The following AGMO variants were observed in gnomAD, a reference collection of about 807,000 sequenced individuals.
AGMO encodes the protein alkylglycerol monooxygenase.
Under a neutral mutation model 60.2 loss-of-function variants are expected in AGMO, and 75 were observed. The observed-to-expected ratio is 1.25, with a 90% CI of 1.03 to 1.51. The LOEUF is 1.51. Ranked by LOEUF, AGMO falls within the 40% of genes most tolerant of loss-of-function variation. AGMO has a pLI of 0.00. For synonymous variants in AGMO, 261 were observed against 177.1 expected, an observed-to-expected ratio of 1.47 and a Z score of -3.76; for missense variants, 763 against 525.5, an observed-to-expected ratio of 1.45 and a Z score of -4.42.
At position 15,328,049 on chromosome 7, in the gene AGMO, T is replaced by C. The variant is rs571817024; in HGVS notation, c.1263+37465A>G. On this transcript the variant is annotated intron_variant, in intron 12 of 12. Transcript: ENST00000342526. Reference sequence around the variant, plus strand: ...CATCAGCCTCCCAAAGTGCTGGGATTGCAGGTATGAGACACTGTGCCTGGT... The same window carrying C: ...CATCAGCCTCCCAAAGTGCTGGGATCGCAGGTATGAGACACTGTGCCTGGT... Among the ~76,000 whole-genome samples, 10 of 152,216 alleles carry C rather than the reference T, an allele frequency of 6.6e-5. No homozygotes were observed. In the South Asian group the frequency reaches 2.1e-3, roughly 32 times the overall value.
At chr7:15,402,989 A>G (rs528078374) in intron 5 of AGMO, among the ~76,000 whole-genome samples, 5 of 151,994 alleles carry the variant, frequency 3.3e-5, no homozygotes, top group African/African-American at 9.6e-5. Context: ...GGACCCTTCA[A>G]TGGAAAGTTT....
rs192477199 is a variant in AGMO at position 15,240,472 on chromosome 7, A to G, written c.1264-39113T>C. Among the ~76,000 whole-genome samples the G allele has an allele frequency of 4.6e-3, 708 of 152,286 alleles. 5 individuals are homozygous for G. Among genetic ancestry groups the G allele is most frequent in the African/African-American group, 0.016 (658 of 41,566 alleles). ...ATTTTGTTCTAAAAATGTTCCTTCT[A>G]TCATTTTCTTTCATACACGTAGGCT... is the stretch of plus-strand genomic sequence containing the variant. On this transcript the variant is annotated intron_variant, in intron 12 of 12. Coordinates refer to ENST00000342526, the MANE Select transcript of AGMO (RefSeq NM_001004320.2).
chr7:15,209,995 C>T (rs906804101), intron 12 of AGMO, among the ~76,000 whole-genome samples: 1 of 152,046 alleles, frequency 6.6e-6, no homozygotes, highest in African/African-American at 2.4e-5. Context: ...TGTATCAACA[C>T]CTCACATCTC....
At chr7:15,489,639 T>C (rs1311295077) in intron 3 of AGMO, among the ~76,000 whole-genome samples, 1 of 152,190 alleles carries the variant, frequency 6.6e-6, no homozygotes, top group Admixed American at 6.5e-5. Flanking sequence ...CCTCTTGGCA[T>C]CAACACTTTG....
intron 5 of AGMO, among the ~76,000 whole-genome samples, chr7:15,407,909 T>C: frequency 6.6e-6 from 1 of 151,948 alleles, no homozygotes; most frequent in African/African-American, 2.4e-5. Context: ...AACTAATGTG[T>C]TATCTAATTT....
chr7:15,159,738 A>G, the AGMO span, among the ~76,000 whole-genome samples: 1 of 152,196 alleles, frequency 6.6e-6, no homozygotes, highest in Non-Finnish European at 1.5e-5. Flanking sequence ...CAACTTTGCT[A>G]ATTTGTGAAT....
chr7:15,153,704 T>G, the AGMO span, among the ~76,000 whole-genome samples: 3 of 152,196 alleles, frequency 2.0e-5, no homozygotes, highest in Non-Finnish European at 4.4e-5. Flanking sequence ...ATGTGCCTAT[T>G]TTTATACCAG....
chr7:15,457,235 A>G (rs1782021236), intron 3 of AGMO, among the ~76,000 whole-genome samples: 1 of 152,152 alleles, frequency 6.6e-6, no homozygotes, highest in Admixed American at 6.6e-5. Flanking sequence ...GTTTTCTAAA[A>G]GTCTACTGTA....
chr7:15,556,152 C>G (rs1785128317), intron 2 of AGMO, among the ~76,000 whole-genome samples: 1 of 148,118 alleles, frequency 6.8e-6, no homozygotes, highest in Non-Finnish European at 1.5e-5. Context: ...TACAATTTTT[C>G]TTTATTCTCT....
the AGMO span, among the ~76,000 whole-genome samples, chr7:15,142,219 C>T: frequency 6.6e-6 from 1 of 152,154 alleles, no homozygotes; most frequent in African/African-American, 2.4e-5. Context: ...AATCTTAAAT[C>T]ATCAAATTAA....
At chr7:15,238,446 T>C (rs1164452379) in intron 12 of AGMO, among the ~76,000 whole-genome samples, 2 of 151,834 alleles carry the variant, frequency 1.3e-5, no homozygotes, top group Admixed American at 6.6e-5. Flanking sequence ...AGAAAATAAA[T>C]ATTTGAGTTG....
chr7:15,198,259 G>GAC (rs1295053333), downstream of AGMO, among the ~76,000 whole-genome samples: 4 of 99,354 alleles, frequency 4.0e-5, no homozygotes, highest in African/African-American at 1.8e-4. Flanking sequence ...GAGAGAGACA[G>GAC]AGACAGAGAG....
At chr7:15,237,365 T>A (rs1297212374) in intron 12 of AGMO, among the ~76,000 whole-genome samples, 1 of 152,058 alleles carries the variant, frequency 6.6e-6, no homozygotes, top group Non-Finnish European at 1.5e-5. Flanking sequence ...CAGGCTTTCT[T>A]TTCTTTATAT....
At chr7:15,548,281 A>G (rs543624610) in intron 2 of AGMO, among the ~76,000 whole-genome samples, 1 of 152,286 alleles carries the variant, frequency 6.6e-6, no homozygotes, top group African/African-American at 2.4e-5. Flanking sequence ...AAAGGAACGC[A>G]GTTCCTCACC....
chr7:15,153,333 C>G, the AGMO span, among the ~76,000 whole-genome samples: 34 of 152,202 alleles, frequency 2.2e-4, no homozygotes, highest in South Asian at 6.2e-3. Context: ...TTTGCAGGAG[C>G]ATTTTAGTTT....
At chr7:15,190,233 A>AGGAAC in the AGMO span, among the ~76,000 whole-genome samples, 1 of 47,778 alleles carries the variant, frequency 2.1e-5, no homozygotes, top group Admixed American at 1.8e-4. Flanking sequence ...ATATATATTT[A>AGGAAC]TATATATATA....
downstream of AGMO, among the ~76,000 whole-genome samples, chr7:15,198,241 G>C (rs890924976): frequency 1.2e-3 from 117 of 99,894 alleles, 2 homozygotes; most frequent in African/African-American, 5.6e-3. Context: ...GAGAGAGAGA[G>C]AGAGAGAGAG....
chr7:15,444,159 A>T (rs1781638958), intron 3 of AGMO, among the ~76,000 whole-genome samples: 1 of 151,992 alleles, frequency 6.6e-6, no homozygotes. Flanking sequence ...ATATTTTTTT[A>T]ATTAAACATA....
intron 10 of AGMO, among the ~76,000 whole-genome samples, chr7:15,377,245 T>A (rs527958579): frequency 1.3e-5 from 2 of 152,174 alleles, no homozygotes; most frequent in Middle Eastern, 3.4e-3. Flanking sequence ...GAAAAACACA[T>A]GTGGGAAACA....
Sources: allele counts gnomAD v4.1 joint callset (sites outside exome capture counted in the v4.1 genomes callset), GRCh38; gene constraint gnomAD v4.1.1; transcripts MANE v1.5; gene names NCBI Gene and HGNC (gene_info 2026-07-23, HGNC 2026-07-21).